ANKFN1: variants seen among roughly 807,000 people sequenced by gnomAD.
ANKFN1 encodes the protein ankyrin repeat and fibronectin type-III domain-containing protein 1.
In ANKFN1, 74 loss-of-function variants were observed where a neutral mutation model predicts 108.7. The observed-to-expected ratio is 0.68, with a 90% CI of 0.56 to 0.83. ANKFN1 has a LOEUF of 0.83. Among genes scored for constraint, ANKFN1 ranks in the 40% least tolerant of loss-of-function variants. The pLI is 0.00. For synonymous variants in ANKFN1, 547 were observed against 516.2 expected, an observed-to-expected ratio of 1.06 and a Z score of -0.81; for missense variants, 1,505 against 1,382.3, an observed-to-expected ratio of 1.09 and a Z score of -1.41.
rs1220822008 is a variant in ANKFN1 at position 56,188,579 on chromosome 17, G to GTATA, written c.-70-24018_-70-24017insATAT. 2.8e-3 allele frequency among the ~76,000 whole-genome samples: 202 copies of GTATA among 71,324 alleles called. 3 individuals are homozygous for GTATA. The highest frequency in any genetic ancestry group is 3.4e-3 in the East Asian group (8 of 2,334). The allele number at this position is 71,324 out of a possible 152,430, so 46.8% of individuals were successfully genotyped here. A position where few individuals can be genotyped will look rare whatever the true frequency, so the allele number is the denominator to read the frequency against. On this transcript the variant is annotated intron_variant, in intron 1 of 20. Transcript: ENST00000682825. ...TGTGTGTGTATGTGTGTGTGTGTGT[G>GTATA]TGTATATATATATATATATATATAT...
chr17:56,102,589 C>T (rs970616110), intron 4 of ANKFN1, among the ~76,000 whole-genome samples: 14 of 151,372 alleles, frequency 9.2e-5, no homozygotes, highest in African/African-American at 2.9e-4. Context: ...CATTAGAATC[C>T]ACTGGGGGAG....
At chr17:56,204,746 C>T (rs1429990181) in intron 1 of ANKFN1, among the ~76,000 whole-genome samples, 1 of 152,182 alleles carries the variant, frequency 6.6e-6, no homozygotes, top group African/African-American at 2.4e-5. Context: ...CCCTGTACCT[C>T]CTCCCCATCC....
intron 8 of ANKFN1, among the ~76,000 whole-genome samples, chr17:56,407,837 A>G (rs1443266396): frequency 6.6e-6 from 1 of 152,182 alleles, no homozygotes; most frequent in Non-Finnish European, 1.5e-5. Context: ...TGCTTTCTTC[A>G]ATAACGCCAA....
intron 3 of ANKFN1, among the ~76,000 whole-genome samples, chr17:56,288,953 T>A (rs527958169): frequency 1.3e-5 from 2 of 152,298 alleles, no homozygotes; most frequent in African/African-American, 4.8e-5. Flanking sequence ...CACATTCTTG[T>A]CTCCAGTCCA....
intron 3 of ANKFN1, among the ~76,000 whole-genome samples, chr17:56,285,426 A>G (rs1171894889): frequency 6.6e-6 from 1 of 152,116 alleles, no homozygotes; most frequent in Admixed American, 6.5e-5. Flanking sequence ...CTCCATACAT[A>G]ATAAACTCCA....
intron 3 of ANKFN1, among the ~76,000 whole-genome samples, chr17:56,299,911 C>A (rs962321029): frequency 6.6e-6 from 1 of 152,206 alleles, no homozygotes; most frequent in Non-Finnish European, 1.5e-5. Flanking sequence ...TTTATACACA[C>A]CCCTCTGAAT....
At chr17:56,185,992 T>A (rs1912163966) in intron 1 of ANKFN1, among the ~76,000 whole-genome samples, 1 of 152,216 alleles carries the variant, frequency 6.6e-6, no homozygotes. Context: ...AAGAATTAAC[T>A]GTCCACTCTC....
At chr17:56,426,296 CTT>C (rs1355172398) in intron 8 of ANKFN1, among the ~76,000 whole-genome samples, 1 of 152,214 alleles carries the variant, frequency 6.6e-6, no homozygotes, top group Non-Finnish European at 1.5e-5. Flanking sequence ...TCAGTGACCT[CTT>C]TTGAATATTT....
intron 4 of ANKFN1, among the ~76,000 whole-genome samples, chr17:56,061,270 T>C (rs1313542310): frequency 1.6e-5 from 2 of 122,500 alleles, no homozygotes; most frequent in Non-Finnish European, 1.6e-5. Flanking sequence ...TTTTTCTTTT[T>C]TTTTTTTTTT....
chr17:56,472,380 G>A (rs923294527), intron 15 of ANKFN1: 5 of 152,252 alleles, frequency 3.3e-5, no homozygotes, highest in Non-Finnish European at 5.9e-5. Context: ...CAAAATAAAA[G>A]TGCTGTAGTT....
At chr17:56,310,707 A>C in intron 3 of ANKFN1, among the ~76,000 whole-genome samples, 1 of 152,000 alleles carries the variant, frequency 6.6e-6, no homozygotes, top group East Asian at 1.9e-4. Context: ...AATGATTATC[A>C]CTAGCAAGCT....
chr17:56,332,486 A>C (rs1244919178), intron 4 of ANKFN1, among the ~76,000 whole-genome samples: 4 of 152,062 alleles, frequency 2.6e-5, no homozygotes, highest in African/African-American at 9.7e-5. Flanking sequence ...ATAGGGATTG[A>C]GGGTTTTTAC....
At chr17:56,081,011 T>A (rs1289208709) in intron 4 of ANKFN1, among the ~76,000 whole-genome samples, 1 of 152,298 alleles carries the variant, frequency 6.6e-6, no homozygotes, top group African/African-American at 2.4e-5. Flanking sequence ...GCAACTCACA[T>A]CCAGTGATGC....
At chr17:56,431,497 C>G (rs2048754577) in intron 8 of ANKFN1, among the ~76,000 whole-genome samples, 1 of 152,052 alleles carries the variant, frequency 6.6e-6, no homozygotes, top group Non-Finnish European at 1.5e-5. Context: ...CAAAATGGAA[C>G]TATGAAGATT....
chr17:56,501,726 G>A (rs1258945470), intron 20 of ANKFN1, among the ~76,000 whole-genome samples: 1 of 152,156 alleles, frequency 6.6e-6, no homozygotes, highest in East Asian at 1.9e-4. Flanking sequence ...AAGAAGAGGA[G>A]ACTGTGGAAG....
chr17:56,434,919 A>G (rs777753415), intron 8 of ANKFN1, among the ~76,000 whole-genome samples: 3 of 152,106 alleles, frequency 2.0e-5, no homozygotes, highest in Non-Finnish European at 4.4e-5. Flanking sequence ...TTCATTAGCT[A>G]AGGCGCCAGG....
chr17:56,399,218 G>T (rs1030627977), intron 8 of ANKFN1, among the ~76,000 whole-genome samples: 17 of 151,928 alleles, frequency 1.1e-4, no homozygotes, highest in African/African-American at 4.1e-4. Context: ...ATTATAAGGG[G>T]ACCAGAGATT....
intron 8 of ANKFN1, among the ~76,000 whole-genome samples, chr17:56,392,256 C>G (rs536583755): frequency 6.6e-6 from 1 of 152,168 alleles, no homozygotes; most frequent in African/African-American, 2.4e-5. Context: ...CGCATTGTTA[C>G]GCAAGGGCCC....
intron 4 of ANKFN1, among the ~76,000 whole-genome samples, chr17:56,077,177 T>C (rs1905191035): frequency 6.6e-6 from 1 of 152,170 alleles, no homozygotes; most frequent in Non-Finnish European, 1.5e-5. Flanking sequence ...TGGTCCTGAA[T>C]TGGGAAGGGG....
Sources: gnomAD v4.1 joint callset for allele counts (sites outside exome capture counted in the v4.1 genomes callset) on GRCh38, gnomAD v4.1.1 for gene constraint, MANE v1.5 for transcripts, NCBI Gene and HGNC (gene_info 2026-07-23, HGNC 2026-07-21) for gene names.